FOXN4: variants seen among roughly 807,000 people sequenced by gnomAD.
FOXN4 encodes the protein forkhead box N4.
Under a neutral mutation model 45.0 loss-of-function variants are expected in FOXN4, and 12 were observed. The observed-to-expected ratio is 0.27, with a 90% CI of 0.17 to 0.43. The LOEUF (loss-of-function observed/expected upper bound fraction) is 0.43. FOXN4 is among the 20% of genes least tolerant of loss of function. The probability of loss-of-function intolerance (pLI) is 1.00; values close to 1 mark genes in which losing one functional copy is unlikely to be tolerated. For synonymous variants in FOXN4, 297 were observed against 295.0 expected (o/e 1.01, Z -0.07); for missense variants, 560 against 694.9 (o/e 0.81, Z 2.18).
intron 2 of FOXN4, among the ~76,000 whole-genome samples, chr12:109,302,685 T>C (rs2047878310): frequency 6.6e-6 from 1 of 152,120 alleles, no homozygotes; most frequent in Non-Finnish European, 1.5e-5. Flanking sequence ...CATTCTCTCC[T>C]CTGCGTTGTC....
intron 8 of FOXN4, among the ~76,000 whole-genome samples, chr12:109,284,739 T>G (rs2047687650): frequency 2.0e-5 from 3 of 151,338 alleles, no homozygotes; most frequent in African/African-American, 7.3e-5. Flanking sequence ...GGCCAGGTCC[T>G]TCCTCTTCTG....
chr12:109,297,362 C>T lies in FOXN4; in HGVS notation c.87-7076G>A, dbSNP rs900596743. Among the ~76,000 whole-genome samples, 4 of 152,342 alleles carry T rather than the reference C, an allele frequency of 2.6e-5. No homozygotes were observed. The South Asian group carries it at 6.2e-4, about 24-fold the overall frequency. ...TTTGTTTTGTTTTGTTTTCTTGAGA[C>T]AGGGGCTTGCTCTTGTCGCCCAGGC... is the stretch of plus-strand genomic sequence containing the variant. On this transcript the variant is annotated intron_variant, in intron 2 of 9. Transcript: ENST00000299162.
chr12:109,286,112 T>G (rs2047707787), intron 7 of FOXN4, among the ~76,000 whole-genome samples: 1 of 152,170 alleles, frequency 6.6e-6, no homozygotes, highest in Non-Finnish European at 1.5e-5. Flanking sequence ...TACTGCAGTA[T>G]TTTTGCTAAG....
intron 2 of FOXN4, among the ~76,000 whole-genome samples, chr12:109,298,614 C>T (rs190003755): frequency 9.2e-5 from 14 of 152,266 alleles, no homozygotes; most frequent in Admixed American, 3.9e-4. Context: ...CCGCCCACCT[C>T]GGCCTCCCAA....
intron 2 of FOXN4, among the ~76,000 whole-genome samples, chr12:109,294,509 G>A (rs1047043515): frequency 2.0e-5 from 3 of 152,146 alleles, no homozygotes; most frequent in Admixed American, 6.5e-5. Flanking sequence ...AAGGTGGTCT[G>A]GTCCTCTCTT....
rs1391465353 is a variant in FOXN4 at position 109,288,333 on chromosome 12, G to A, written c.233-153C>T. On this transcript the variant is annotated intron_variant, in intron 3 of 9. Coordinates refer to ENST00000299162, the MANE Select transcript of FOXN4 (RefSeq NM_213596.3). This position sits in a 1 kb window ranked among gnomAD's most constrained non-coding sequence, Gnocchi z 4.3. ...GTGCTTGGCAAATCACTTCCCTGGTGTGTAGTGAAAAGTAGGTTCTTACCA... is the reference window on the plus strand; with the variant it reads ...GTGCTTGGCAAATCACTTCCCTGGTATGTAGTGAAAAGTAGGTTCTTACCA... 6.6e-6 allele frequency among the ~76,000 whole-genome samples: 1 copy of A among 152,218 alleles called. No homozygotes were observed. The highest frequency in any genetic ancestry group is 2.4e-5 in the African/African-American group (1 of 41,450).
At position 109,306,930 on chromosome 12, in the gene FOXN4, G is replaced by A. The variant is rs549842692; in HGVS notation, c.86+1306C>T. ...AGAGGCCCTTGGCTGTGTGATCTTG[G>A]GAGAAGCCATTTCATTTTTCTAAGC... is the stretch of plus-strand genomic sequence containing the variant. On this transcript the variant is annotated intron_variant, in intron 2 of 9. Coordinates refer to ENST00000299162, the MANE Select transcript of FOXN4 (RefSeq NM_213596.3). 5.9e-5 allele frequency among the ~76,000 whole-genome samples: 9 copies of A among 152,270 alleles called. 1 individual carries two copies. The highest frequency in any genetic ancestry group is 1.9e-4 in the African/African-American group (8 of 41,538).
chr12:109,286,531 G>T, intron 7 of FOXN4, 117 bp downstream of exon 7: 1 of 939,936 alleles, frequency 1.1e-6, no homozygotes, highest in South Asian at 1.5e-5. Context: ...CTAACCACCA[G>T]ATGTACAGAC....
chr12:109,285,009 G>A (rs1357784498), intron 8 of FOXN4, among the ~76,000 whole-genome samples: 10 of 147,756 alleles, frequency 6.8e-5, no homozygotes, highest in Non-Finnish European at 7.5e-5. Context: ...GCGTGTGTGC[G>A]TGCATTTGTG....
chr12:109,303,486 A>T (rs1411768715), intron 2 of FOXN4, among the ~76,000 whole-genome samples: 2 of 152,250 alleles, frequency 1.3e-5, no homozygotes, highest in Non-Finnish European at 1.5e-5. Context: ...CATATGTATT[A>T]ACTTTTATCT....
intron 2 of FOXN4, among the ~76,000 whole-genome samples, chr12:109,304,876 A>C (rs576218649): frequency 1.3e-5 from 2 of 152,216 alleles, no homozygotes; most frequent in South Asian, 4.2e-4. Flanking sequence ...GTAATCATAA[A>C]ACCCCCTCTG....
At chr12:109,286,180 C>T (rs1565999031) in intron 7 of FOXN4, among the ~76,000 whole-genome samples, 1 of 152,194 alleles carries the variant, frequency 6.6e-6, no homozygotes, top group Non-Finnish European at 1.5e-5. Context: ...TCCTGCTCCA[C>T]TTTTTGCTTT....
rs753598212 is a variant in FOXN4 at position 109,287,495 on chromosome 12, TGGG to T, written c.495_497del (p.Pro166del). The T allele has an allele frequency of 3.2e-6, 5 of 1,547,262 alleles. No individual in the cohort carries two copies. Among genetic ancestry groups the T allele is most frequent in the Non-Finnish European group, 4.4e-6 (5 of 1,145,132 alleles). ...GGGGGTAGGGGGGCCGCACCCCAAA[TGGG>T]GGGCCATAGAGGCCCACAGGAGGGC... On this transcript the variant is annotated inframe_deletion, in exon 6 of 10. Transcript: ENST00000299162. The surrounding 1 kb of genome is among the most constrained non-coding windows in gnomAD (Gnocchi z 4.1).
intron 8 of FOXN4, among the ~76,000 whole-genome samples, chr12:109,283,369 A>G (rs2047671025): frequency 6.6e-6 from 1 of 152,068 alleles, no homozygotes; most frequent in South Asian, 2.1e-4. Context: ...TCTCAGATAC[A>G]TACATTTTTG....
At chr12:109,280,613 A>G (rs1312743896) in intron 9 of FOXN4, among the ~76,000 whole-genome samples, 1 of 152,190 alleles carries the variant, frequency 6.6e-6, no homozygotes, top group Non-Finnish European at 1.5e-5. Context: ...GAACTACACA[A>G]CAATCCAGGG....
chr12:109,305,397 A>C (rs902856861), intron 2 of FOXN4, among the ~76,000 whole-genome samples: 1 of 152,114 alleles, frequency 6.6e-6, no homozygotes, highest in South Asian at 2.1e-4. Flanking sequence ...TATTATTATT[A>C]TGTTATTTTG....
chr12:109,278,028 A>T lies in FOXN4; in HGVS notation c.*1643T>A, dbSNP rs1398333889. ...GACAGTTGCTCAATTCTACACTTAC[A>T]GTCTTGATGTTGCCCAAACACGGAG... is the stretch of plus-strand genomic sequence containing the variant. On this transcript the variant is annotated 3_prime_UTR_variant, in exon 10 of 10. Coordinates refer to ENST00000299162, the MANE Select transcript of FOXN4 (RefSeq NM_213596.3). 1 of 152,232 alleles carries T rather than the reference A, an allele frequency of 6.6e-6. No homozygotes were observed. Among genetic ancestry groups the T allele is most frequent in the African/African-American group, 2.4e-5 (1 of 41,446 alleles). The allele number at this position is 152,232 out of a possible 1,614,324, so 9.4% of individuals were successfully genotyped here.
At position 109,278,280 on chromosome 12, in the gene FOXN4, C is replaced by T. The variant is rs1462139743; in HGVS notation, c.*1391G>A. ...GTTGATTAAACAGAACATCCTGGCT[C>T]TAGGGTTCGGGAACTCCCAGACACC... On this transcript the variant is annotated 3_prime_UTR_variant, in exon 10 of 10. Transcript: ENST00000299162. 1 of 152,220 alleles carries T rather than the reference C, an allele frequency of 6.6e-6. No homozygotes were observed. Among genetic ancestry groups the T allele is most frequent in the Non-Finnish European group, 1.5e-5 (1 of 68,046 alleles). The allele number at this position is 152,220 out of a possible 1,614,324, so 9.4% of individuals were successfully genotyped here.
At chr12:109,297,224 G>T (rs746017664) in intron 2 of FOXN4, among the ~76,000 whole-genome samples, 1 of 152,250 alleles carries the variant, frequency 6.6e-6, no homozygotes, top group Non-Finnish European at 1.5e-5. Flanking sequence ...GCAGGTGCCT[G>T]AGCTCCACCT....
Sources: gnomAD v4.1 joint callset for allele counts (sites outside exome capture counted in the v4.1 genomes callset) on GRCh38, gnomAD v4.1.1 for gene constraint, Gnocchi (gnomAD v3.1) non-coding constraint, MANE v1.5 for transcripts, NCBI Gene and HGNC (gene_info 2026-07-23, HGNC 2026-07-21) for gene names.